Variants in JAKMIP2 observed in about 807,000 individuals in gnomAD.
The protein encoded by JAKMIP2 is janus kinase and microtubule interacting protein 2.
In JAKMIP2, 25 loss-of-function variants were observed where a neutral mutation model predicts 115.0. The ratio of observed to expected loss-of-function variants is 0.22; its 90% confidence interval spans 0.16 to 0.30. The LOEUF is 0.30. JAKMIP2 is among the 10% of genes least tolerant of loss of function. JAKMIP2 has a pLI of 1.00. For synonymous variants in JAKMIP2, 334 were observed against 343.6 expected (o/e 0.97, Z 0.31); for missense variants, 642 against 957.6 (o/e 0.67, Z 4.35).
intron 1 of JAKMIP2, among the ~76,000 whole-genome samples, chr5:147,710,229 T>C (rs763374938): frequency 6.6e-6 from 1 of 152,214 alleles, no homozygotes; most frequent in Non-Finnish European, 1.5e-5. Flanking sequence ...TAGTTATTCT[T>C]CAAGGTATCA....
intron 1 of JAKMIP2, among the ~76,000 whole-genome samples, chr5:147,716,263 G>T: frequency 1.8e-5 from 2 of 114,214 alleles, no homozygotes; most frequent in African/African-American, 7.3e-5. Flanking sequence ...ATTTGGGTTG[G>T]TTCCAAGTCT....
chr5:147,651,940 AG>A (rs2126751690), intron 3 of JAKMIP2, among the ~76,000 whole-genome samples: 1 of 152,272 alleles, frequency 6.6e-6, no homozygotes, highest in Non-Finnish European at 1.5e-5. Context: ...TTTTATTTGC[AG>A]GTTAACATAG....
chr5:147,676,292 C>T (rs1279680612), intron 1 of JAKMIP2, among the ~76,000 whole-genome samples: 2 of 152,158 alleles, frequency 1.3e-5, no homozygotes, highest in African/African-American at 4.8e-5. Context: ...GCCAAGATCA[C>T]GCCACTGCGC....
intron 3 of JAKMIP2, among the ~76,000 whole-genome samples, chr5:147,655,297 T>G (rs1172411688): frequency 6.6e-6 from 1 of 152,184 alleles, no homozygotes; most frequent in Non-Finnish European, 1.5e-5. Context: ...TCTTCGTACC[T>G]CTGGTAGAAT....
chr5:147,740,208 A>C (rs925991300), intron 1 of JAKMIP2, among the ~76,000 whole-genome samples: 13 of 152,358 alleles, frequency 8.5e-5, no homozygotes, highest in African/African-American at 3.1e-4. Flanking sequence ...CCAGTTTTAT[A>C]TAAAGCCAAA....
At chr5:147,776,216 AT>A (rs549524946) in intron 1 of JAKMIP2, among the ~76,000 whole-genome samples, 66 of 152,280 alleles carry the variant, frequency 4.3e-4, no homozygotes, top group African/African-American at 1.5e-3. Context: ...TCCCACCCAA[AT>A]CTCATCCTGA....
intron 1 of JAKMIP2, among the ~76,000 whole-genome samples, chr5:147,736,416 C>T (rs4593256): frequency 0.11 from 17,141 of 151,996 alleles, 1,192 homozygotes; most frequent in Middle Eastern, 0.19. Flanking sequence ...CAAGATTGCG[C>T]CACTGCACTC....
intron 1 of JAKMIP2, among the ~76,000 whole-genome samples, chr5:147,748,952 C>T (rs1167050604): frequency 6.6e-6 from 1 of 152,186 alleles, no homozygotes; most frequent in Non-Finnish European, 1.5e-5. Flanking sequence ...TAAACCTCCA[C>T]TCTTAACCTC....
chr5:147,650,659 C>T (rs76135735), intron 3 of JAKMIP2, 112 bp from the exon 4 acceptor site: 26,439 of 789,312 alleles, frequency 0.033, 536 homozygotes, highest in Non-Finnish European at 0.041. Flanking sequence ...AAAAAAATCA[C>T]GGATTTGATA....
intron 21 of JAKMIP2, among the ~76,000 whole-genome samples, chr5:147,597,978 T>C (rs1235321939): frequency 1.5e-5 from 2 of 135,424 alleles, no homozygotes; most frequent in African/African-American, 5.8e-5. Context: ...CCTTGGTTCT[T>C]GGGTCTTCTT....
chr5:147,764,094 A>G (rs1755025979), intron 1 of JAKMIP2, among the ~76,000 whole-genome samples: 1 of 152,172 alleles, frequency 6.6e-6, no homozygotes, highest in Admixed American at 6.6e-5. Flanking sequence ...ATATGAAGGT[A>G]TTAATACCAA....
At chr5:147,657,404 A>G (rs1042562002) in intron 3 of JAKMIP2, among the ~76,000 whole-genome samples, 4 of 152,174 alleles carry the variant, frequency 2.6e-5, no homozygotes, top group African/African-American at 9.7e-5. Context: ...TTTTTAGGTG[A>G]CCTGGCCTTT....
At chr5:147,635,120 T>G (rs1222333905) in intron 12 of JAKMIP2, among the ~76,000 whole-genome samples, 2 of 151,972 alleles carry the variant, frequency 1.3e-5, no homozygotes, top group Admixed American at 1.3e-4. Context: ...GAGGTTGCCG[T>G]GAGCTGAGAC....
In JAKMIP2 at chr5:147,745,117, A is replaced by T. The variant is rs1178704873; in HGVS notation, c.-149+37339T>A. ...CTCAGCACCTATTGTAGATTCTGTA[A>T]GATGCCATTGAGTACTTCTTGAACA... On this transcript the variant is annotated intron_variant, in intron 1 of 21. Transcript: ENST00000616793. 2.0e-5 allele frequency among the ~76,000 whole-genome samples: 3 copies of T among 151,936 alleles called. 1 individual carries two copies. Among genetic ancestry groups the T allele is most frequent in the Non-Finnish European group, 4.4e-5 (3 of 67,968 alleles).
chr5:147,632,143 G>A (rs1757389909), intron 13 of JAKMIP2, among the ~76,000 whole-genome samples: 1 of 152,014 alleles, frequency 6.6e-6, no homozygotes, highest in Admixed American at 6.6e-5. Context: ...CTGAAATTTG[G>A]TCAGATTAAT....
Position 147,715,817 on chromosome 5 carries a change from C to CT in JAKMIP2, c.-148-43864dup, listed in dbSNP as rs1235192144. Among the ~76,000 whole-genome samples the CT allele has an allele frequency of 3.5e-3, 446 of 128,158 alleles. 2 individuals are homozygous for CT. The highest frequency in any genetic ancestry group is 0.011 in the South Asian group (42 of 3,814). The allele number at this position is 128,158 out of a possible 152,430, so 84.1% of individuals were successfully genotyped here. On this transcript the variant is annotated intron_variant, in intron 1 of 21. Coordinates refer to ENST00000616793, the MANE Select transcript of JAKMIP2 (RefSeq NM_001270941.2). ...ATGATATTGTTTTAAAATTATATTT[C>CT]TTTTTTTTTTTTTGGCCAATTTACT...
At chr5:147,731,713 C>T (rs1753740503) in intron 1 of JAKMIP2, among the ~76,000 whole-genome samples, 1 of 152,182 alleles carries the variant, frequency 6.6e-6, no homozygotes, top group South Asian at 2.1e-4. Flanking sequence ...GCAATGCCTC[C>T]TTCTTCCTTT....
At chr5:147,646,971 A>G (rs904754911) in intron 5 of JAKMIP2, among the ~76,000 whole-genome samples, 11 of 152,098 alleles carry the variant, frequency 7.2e-5, no homozygotes, top group Admixed American at 2.0e-4. Flanking sequence ...CAAAAATATC[A>G]GTAAGAATTG....
At chr5:147,760,113 G>A (rs1043950356) in intron 1 of JAKMIP2, among the ~76,000 whole-genome samples, 3 of 152,082 alleles carry the variant, frequency 2.0e-5, no homozygotes, top group East Asian at 1.9e-4. Flanking sequence ...AGAAGGACAC[G>A]TTTGTGCTGG....
Sources: gnomAD v4.1 joint callset for allele counts (sites outside exome capture counted in the v4.1 genomes callset) on GRCh38, gnomAD v4.1.1 for gene constraint, MANE v1.5 for transcripts, NCBI Gene and HGNC (gene_info 2026-07-23, HGNC 2026-07-21) for gene names.